C2CD2: variants seen among roughly 807,000 people sequenced by gnomAD.
C2CD2 encodes C2 domain-containing protein 2.
Under a neutral mutation model 74.3 loss-of-function variants are expected in C2CD2, and 43 were observed. That is an observed-to-expected ratio of 0.58 (90% confidence interval 0.45 to 0.75). C2CD2 has a LOEUF of 0.75. C2CD2 is among the 30% of genes least tolerant of loss of function. The probability of loss-of-function intolerance (pLI) is 0.00; values close to 1 mark genes in which losing one functional copy is unlikely to be tolerated. For synonymous variants in C2CD2, 422 were observed against 390.7 expected (o/e 1.08, Z -0.94); for missense variants, 801 against 916.3 (o/e 0.87, Z 1.63).
Position 41,945,469 on chromosome 21 carries a change from C to G in C2CD2, c.280-3224G>C, listed in dbSNP as rs1333628942. Among the ~76,000 whole-genome samples the G allele has an allele frequency of 1.4e-5, 2 of 140,142 alleles. No individual in the cohort carries two copies. Among genetic ancestry groups the G allele is most frequent in the African/African-American group, 2.7e-5 (1 of 37,344 alleles). The allele number at this position is 140,142 out of a possible 152,430, so 91.9% of individuals were successfully genotyped here. On this transcript the variant is annotated intron_variant, in intron 1 of 13. Coordinates refer to ENST00000380486, the MANE Select transcript of C2CD2 (RefSeq NM_015500.2). This position sits in a 1 kb window ranked among gnomAD's most constrained non-coding sequence, Gnocchi z 4.2. ...TCCAGGGCCTGTGGGGAGCCAAAAA[C>G]AAATATTTTGTGGAAACATGAAGTA...
intron 13 of C2CD2, chr21:41,894,836 C>T (rs1046638386): frequency 2.2e-6 from 1 of 456,734 alleles, no homozygotes; most frequent in East Asian, 6.9e-5. Flanking sequence ...TTTGCCAGTG[C>T]ACACTAAATA....
rs991323371 is a variant in C2CD2, at chr21:41,953,528, C to A, written c.121G>T (p.Ala41Ser). 5.4e-6 allele frequency: 8 copies of A among 1,477,662 alleles called. No individual in the cohort carries two copies. The highest frequency in any genetic ancestry group is 1.5e-5 in the African/African-American group (1 of 68,176). 91.5% of individuals were successfully genotyped at this position (1,477,662 alleles called of 1,614,324 possible). The change falls in exon 1 of 14, where the codon GCG becomes TCG. Residue 41 changes from alanine (A) to serine (S), a missense_variant. Ala to Ser is a moderately conservative substitution (Grantham distance 99). Coordinates refer to ENST00000380486, the MANE Select transcript of C2CD2 (RefSeq NM_015500.2). The stretch of plus-strand genomic sequence containing the variant: ...GCCCGCCGCTGGGGCTGGGGTCGCG[C>A]CCTGGCCAGCGCCCACTGCGCCAGG... ...LYLAQWALAR[A>S]RPQPQRRAVE...
chr21:41,904,493 T>G (rs2064937075), intron 11 of C2CD2, among the ~76,000 whole-genome samples: 4 of 152,230 alleles, frequency 2.6e-5, no homozygotes, highest in South Asian at 4.1e-4. Flanking sequence ...CTCTGTGGAC[T>G]CGCCCCGAAT....
chr21:41,932,547 G>T (rs1569078241), intron 2 of C2CD2, among the ~76,000 whole-genome samples: 1 of 150,542 alleles, frequency 6.6e-6, no homozygotes, highest in Non-Finnish European at 1.5e-5. Context: ...TCTGTGTTAA[G>T]TCTGAGTAAT....
At chr21:41,907,288 A>G (rs1437444724) in intron 9 of C2CD2, 122 bp from the exon 10 acceptor site, 2 of 792,122 alleles carry the variant, frequency 2.5e-6, no homozygotes, top group Non-Finnish European at 4.2e-6. Context: ...AAGGTCACTT[A>G]GCATCTCCAA....
chr21:41,953,562 T>C lies in C2CD2; in HGVS notation c.87A>G (p.Val29=). Residue 29 remains valine, a synonymous_variant, in exon 1 of 14, where the codon GTA becomes GTG. Transcript: ENST00000380486. ...VSLFVAALAT[V]GLYLAQWALA... ...GCGCCCACTGCGCCAGGTACAGGCC[T>C]ACCGTGGCCAGGGCCGCGACGAAGA... 1 of 1,497,400 alleles carries C rather than the reference T, an allele frequency of 6.7e-7. No individual in the cohort carries two copies. The highest frequency in any genetic ancestry group is 1.3e-5 in the South Asian group (1 of 79,380). The allele number at this position is 1,497,400 out of a possible 1,614,324, so 92.8% of individuals were successfully genotyped here. A position where few individuals can be genotyped will look rare whatever the true frequency, so the allele number is the denominator to read the frequency against.
At position 41,905,981 on chromosome 21, in the gene C2CD2, G is replaced by A. The variant is rs550687087; in HGVS notation, c.1319-144C>T. The A allele has an allele frequency of 2.7e-5, 18 of 673,066 alleles. No individual in the cohort carries two copies. In the South Asian group the frequency reaches 2.8e-4, roughly 10 times the overall value. 41.7% of individuals were successfully genotyped at this position (673,066 alleles called of 1,614,324 possible). A position where few individuals can be genotyped will look rare whatever the true frequency, so the allele number is the denominator to read the frequency against. On this transcript the variant is annotated intron_variant, in intron 10 of 13. Transcript: ENST00000380486. ...AGCTTAACGAAAGCTGTTTTGAGGGGAGGAGGGGCAAGAGTGGTGTCTGGA... is the reference window on the plus strand; with the variant it reads ...AGCTTAACGAAAGCTGTTTTGAGGGAAGGAGGGGCAAGAGTGGTGTCTGGA...
Position 41,908,178 on chromosome 21 carries a change from C to T in C2CD2, c.1019-394G>A, listed in dbSNP as rs922437457. ...GGACACAGCAGAGAGTATCTCCATT[C>T]CTGGGAAAATACACACTAAAGAATT... On this transcript the variant is annotated intron_variant, in intron 8 of 13. Coordinates refer to ENST00000380486, the MANE Select transcript of C2CD2 (RefSeq NM_015500.2). 1.9e-5 allele frequency: 5 copies of T among 263,098 alleles called. No homozygotes were observed. The South Asian group carries it at 2.0e-4, about 11-fold the overall frequency. The allele number at this position is 263,098 out of a possible 1,614,324, so 16.3% of individuals were successfully genotyped here. A position where few individuals can be genotyped will look rare whatever the true frequency, so the allele number is the denominator to read the frequency against.
chr21:41,945,606 GCT>G lies in C2CD2; in HGVS notation c.280-3363_280-3362del, dbSNP rs1318544358. On this transcript the variant is annotated intron_variant, in intron 1 of 13. Coordinates refer to ENST00000380486, the MANE Select transcript of C2CD2 (RefSeq NM_015500.2). This position sits in a 1 kb window ranked among gnomAD's most constrained non-coding sequence, Gnocchi z 4.2. Reference sequence around the variant, plus strand: ...CAACCTAAGCAACTGATTCGGTTTGGCTCTGTTTGTAACCACCATGTGTCAAG... The same window carrying G: ...CAACCTAAGCAACTGATTCGGTTTGGCTGTTTGTAACCACCATGTGTCAAG... Among the ~76,000 whole-genome samples, 1 of 152,172 alleles carries G rather than the reference GCT, an allele frequency of 6.6e-6. No individual in the cohort carries two copies. The highest frequency in any genetic ancestry group is 6.5e-5 in the Admixed American group (1 of 15,276).
chr21:41,902,704 C>G (rs2064913796), intron 11 of C2CD2, among the ~76,000 whole-genome samples: 2 of 152,270 alleles, frequency 1.3e-5, no homozygotes, highest in Middle Eastern at 3.4e-3. Flanking sequence ...CAAGATAAGA[C>G]CACAGAGGCC....
intron 1 of C2CD2, chr21:41,942,943 T>A (rs2065367568): frequency 6.1e-6 from 6 of 984,492 alleles, no homozygotes; most frequent in African/African-American, 3.5e-5. Context: ...GCTCTGCATG[T>A]TCCCCCAGCA....
intron 1 of C2CD2, chr21:41,952,831 A>C (rs1235535995): frequency 6.6e-6 from 1 of 152,402 alleles, no homozygotes; most frequent in East Asian, 1.9e-4. Flanking sequence ...GTGAGGATTC[A>C]GAGATGGCAG....
rs1055095500 is a variant in C2CD2, at chr21:41,885,734, A to C, written c.*3390T>G. The C allele has an allele frequency of 3.3e-5, 5 of 152,524 alleles. No homozygotes were observed. The highest frequency in any genetic ancestry group is 1.2e-4 in the African/African-American group (5 of 41,450). 9.4% of individuals were successfully genotyped at this position (152,524 alleles called of 1,614,324 possible). A position where few individuals can be genotyped will look rare whatever the true frequency, so the allele number is the denominator to read the frequency against. On this transcript the variant is annotated 3_prime_UTR_variant, in exon 14 of 14. Coordinates refer to ENST00000380486, the MANE Select transcript of C2CD2 (RefSeq NM_015500.2). ...CAGGAAACACCTGCCTTCGGTGGCC[A>C]GCAGTGTAAATTAATCTTTCCCTCT...
Position 41,926,429 on chromosome 21 carries a change from G to A in C2CD2, c.379-4344C>T. Reference sequence around the variant, plus strand: ...GTTGGCAGGTGAGGGTTTGGGTCGGGGAGCCCTGGGCAGCAGATGGAAGCA... The same window carrying A: ...GTTGGCAGGTGAGGGTTTGGGTCGGAGAGCCCTGGGCAGCAGATGGAAGCA... On this transcript the variant is annotated intron_variant, in intron 2 of 13. Coordinates refer to ENST00000380486, the MANE Select transcript of C2CD2 (RefSeq NM_015500.2). This position sits in a 1 kb window ranked among gnomAD's most constrained non-coding sequence, Gnocchi z 8.0. The A allele has an allele frequency of 1.0e-6, 1 of 982,116 alleles. No homozygotes were observed. The highest frequency in any genetic ancestry group is 1.2e-6 in the Non-Finnish European group (1 of 827,068). The allele number at this position is 982,116 out of a possible 1,614,324, so 60.8% of individuals were successfully genotyped here.
At chr21:41,925,254 G>A (rs1256529491) in intron 2 of C2CD2, among the ~76,000 whole-genome samples, 1 of 152,110 alleles carries the variant, frequency 6.6e-6, no homozygotes, top group Non-Finnish European at 1.5e-5. Context: ...GGGAGGCTGA[G>A]GCAGGAGGAC....
At chr21:41,919,120 G>T in intron 3 of C2CD2, 160 bp from the exon 4 acceptor site, 1 of 631,210 alleles carries the variant, frequency 1.6e-6, no homozygotes, top group South Asian at 1.8e-5. Context: ...GCGTGTATGC[G>T]CATGTGTGCA....
At chr21:41,925,551 C>T (rs1569075348) in intron 2 of C2CD2, among the ~76,000 whole-genome samples, 1 of 152,224 alleles carries the variant, frequency 6.6e-6, no homozygotes, top group Non-Finnish European at 1.5e-5. Flanking sequence ...AGGGCCAAGT[C>T]CTCTTCCAGC....
intron 10 of C2CD2, 64 bp from the exon 11 acceptor site, chr21:41,905,901 A>G: frequency 1.1e-6 from 1 of 896,396 alleles, no homozygotes; most frequent in Non-Finnish European, 1.9e-6. Context: ...CAGTTACCGA[A>G]AAGTGAAAGG....
intron 2 of C2CD2, among the ~76,000 whole-genome samples, chr21:41,935,720 T>G (rs2065301373): frequency 1.3e-5 from 2 of 152,024 alleles, no homozygotes; most frequent in South Asian, 4.1e-4. Flanking sequence ...GGCGTGGTGG[T>G]GCACACCTGT....
Sources: gnomAD v4.1 joint callset for allele counts (sites outside exome capture counted in the v4.1 genomes callset) on GRCh38, gnomAD v4.1.1 for gene constraint, Gnocchi (gnomAD v3.1) non-coding constraint, MANE v1.5 for transcripts, NCBI Gene and HGNC (gene_info 2026-07-23, HGNC 2026-07-21) for gene names.